The following TMPRSS11E variants were observed in gnomAD, a reference collection of about 807,000 sequenced individuals.
The protein encoded by TMPRSS11E is transmembrane protease serine 11E.
In TMPRSS11E, 38 loss-of-function variants were observed where a neutral mutation model predicts 48.1. The ratio of observed to expected loss-of-function variants is 0.79; its 90% confidence interval spans 0.61 to 1.04. The LOEUF is 1.04. TMPRSS11E is among the 50% of genes least tolerant of loss of function. The pLI is 0.00. For synonymous variants in TMPRSS11E, 158 were observed against 171.9 expected (o/e 0.92, Z 0.63); for missense variants, 530 against 510.8 (o/e 1.04, Z -0.36).
rs1352054234 is a variant in TMPRSS11E at position 68,476,384 on chromosome 4, G to A, written c.653G>A (p.Gly218Glu). The change falls in exon 7 of 10, where the codon GGA becomes GAA. Residue 218 changes from glycine to glutamate, a missense_variant. Coordinates refer to ENST00000305363, the MANE Select transcript of TMPRSS11E (RefSeq NM_014058.4). ...CAGTGGGATGGGAGTCATCGCTGTG[G>A]AGCAACCTTAATTAATGCCACATGG... is the stretch of plus-strand genomic sequence containing the variant. ...SLQWDGSHRCGATLINATWLV... is the reference protein window; with the variant it reads ...SLQWDGSHRCEATLINATWLV... 6.2e-7 allele frequency: 1 copy of A among 1,614,106 alleles called. No homozygotes were observed. The highest frequency in any genetic ancestry group is 2.2e-5 in the East Asian group (1 of 44,880).
intron 1 of TMPRSS11E, among the ~76,000 whole-genome samples, chr4:68,453,610 T>C (rs1354806919): frequency 6.6e-6 from 1 of 151,958 alleles, no homozygotes; most frequent in Non-Finnish European, 1.5e-5. Flanking sequence ...AATTAGTAAA[T>C]ACACGTCTTC....
chr4:68,451,477 A>G (rs1375182827), intron 1 of TMPRSS11E, among the ~76,000 whole-genome samples: 4 of 151,878 alleles, frequency 2.6e-5, no homozygotes, highest in African/African-American at 9.7e-5. Flanking sequence ...TAGAATTGCA[A>G]TTCTAAGATG....
intron 8 of TMPRSS11E, among the ~76,000 whole-genome samples, chr4:68,478,635 A>T (rs1729310883): frequency 1.3e-5 from 2 of 150,886 alleles, no homozygotes; most frequent in African/African-American, 4.9e-5. Flanking sequence ...TTGTATTTTT[A>T]GTAGAGACAG....
intron 5 of TMPRSS11E, 44 bp downstream of exon 5, chr4:68,471,667 G>A (rs1294906612): frequency 1.4e-6 from 2 of 1,465,552 alleles, no homozygotes; most frequent in Non-Finnish European, 1.8e-6. Context: ...ACAGCTTCAT[G>A]TTAGGTTTGA....
At chr4:68,496,145 C>T (rs1056650574) in intron 9 of TMPRSS11E, among the ~76,000 whole-genome samples, 8 of 152,206 alleles carry the variant, frequency 5.3e-5, no homozygotes, top group African/African-American at 1.9e-4. Flanking sequence ...GGAGCATTTA[C>T]AGATAAATAA....
At chr4:68,488,063 C>T (rs1304681370) in intron 9 of TMPRSS11E, among the ~76,000 whole-genome samples, 2 of 151,754 alleles carry the variant, frequency 1.3e-5, no homozygotes, top group Non-Finnish European at 2.9e-5. Flanking sequence ...TTGTATGTGA[C>T]CTGTCCCTTT....
intron 5 of TMPRSS11E, 69 bp from the exon 6 acceptor site, chr4:68,474,654 T>C (rs1729159746): frequency 1.4e-6 from 2 of 1,424,624 alleles, no homozygotes; most frequent in Admixed American, 2.0e-5. Flanking sequence ...CCTTTTAGTA[T>C]TTGAAATACT....
chr4:68,465,869 G>A (rs1380951656), intron 2 of TMPRSS11E, among the ~76,000 whole-genome samples: 1 of 152,194 alleles, frequency 6.6e-6, no homozygotes, highest in Non-Finnish European at 1.5e-5. Flanking sequence ...TCTGAGGGCT[G>A]TCTGCTTGCT....
chr4:68,448,291 G>T (rs1226519564), intron 1 of TMPRSS11E, among the ~76,000 whole-genome samples: 2 of 151,814 alleles, frequency 1.3e-5, no homozygotes, highest in Admixed American at 6.6e-5. Flanking sequence ...GAAATCTGTG[G>T]TCTTCATTTA....
chr4:68,484,367 C>T (rs999701233), intron 9 of TMPRSS11E, among the ~76,000 whole-genome samples: 1 of 151,978 alleles, frequency 6.6e-6, no homozygotes, highest in African/African-American at 2.4e-5. Flanking sequence ...AGTGCAGTGC[C>T]ACAACTATAG....
At chr4:68,473,697 A>G (rs1040543227) in intron 5 of TMPRSS11E, among the ~76,000 whole-genome samples, 11 of 152,152 alleles carry the variant, frequency 7.2e-5, no homozygotes, top group South Asian at 2.1e-4. Flanking sequence ...GTGCAGATGT[A>G]TAAGTCACAC....
chr4:68,461,753 C>A, intron 1 of TMPRSS11E, 68 bp from the exon 2 acceptor site: 2 of 1,603,872 alleles, frequency 1.2e-6, no homozygotes, highest in Non-Finnish European at 1.7e-6. Flanking sequence ...CCCAAAATAT[C>A]TGTTTTGTCT....
chr4:68,489,966 T>A (rs961243447), intron 9 of TMPRSS11E, among the ~76,000 whole-genome samples: 1 of 152,204 alleles, frequency 6.6e-6, no homozygotes, highest in Non-Finnish European at 1.5e-5. Flanking sequence ...CAGGCTAGAA[T>A]TCTGTCTCTT....
At position 68,482,856 on chromosome 4, in the gene TMPRSS11E, C is replaced by T. The variant is rs928158790; in HGVS notation, c.1110+3865C>T. On this transcript the variant is annotated intron_variant, in intron 9 of 9. Coordinates refer to ENST00000305363, the MANE Select transcript of TMPRSS11E (RefSeq NM_014058.4). Reference sequence around the variant, plus strand: ...ACCTCATCAATCTGGATTTCACTGTCGATGTAACTATCAGCATTTTGGTCA... The same window carrying T: ...ACCTCATCAATCTGGATTTCACTGTTGATGTAACTATCAGCATTTTGGTCA... Among the ~76,000 whole-genome samples, 18 of 152,110 alleles carry T rather than the reference C, an allele frequency of 1.2e-4. No individual in the cohort carries two copies. The South Asian group carries it at 1.2e-3, about 11-fold the overall frequency.
chr4:68,463,422 C>T (rs1431394362), intron 2 of TMPRSS11E, among the ~76,000 whole-genome samples: 1 of 152,118 alleles, frequency 6.6e-6, no homozygotes, highest in Non-Finnish European at 1.5e-5. Flanking sequence ...GTGCCTCAGC[C>T]TCCTGAGTAG....
intron 9 of TMPRSS11E, among the ~76,000 whole-genome samples, chr4:68,487,199 A>T (rs1729576950): frequency 6.6e-6 from 1 of 151,564 alleles, no homozygotes; most frequent in Admixed American, 6.6e-5. Context: ...GCTTGATTGT[A>T]TAGTTGCATA....
chr4:68,459,372 C>T (rs1045447826), intron 1 of TMPRSS11E, among the ~76,000 whole-genome samples: 1 of 151,452 alleles, frequency 6.6e-6, no homozygotes, highest in African/African-American at 2.4e-5. Flanking sequence ...AATTCAAACG[C>T]CATAATGTTG....
At chr4:68,483,352 C>G (rs1200823910) in intron 9 of TMPRSS11E, among the ~76,000 whole-genome samples, 1 of 152,284 alleles carries the variant, frequency 6.6e-6, no homozygotes, top group African/African-American at 2.4e-5. Flanking sequence ...GTCAGGGATC[C>G]GTTACCCAAA....
chr4:68,461,731 G>A, intron 1 of TMPRSS11E, 90 bp from the exon 2 acceptor site: 1 of 1,580,662 alleles, frequency 6.3e-7, no homozygotes, highest in Non-Finnish European at 8.6e-7. Flanking sequence ...CCAACTGAAT[G>A]TCCTTTATTC....
Sources: gnomAD v4.1 joint callset for allele counts (sites outside exome capture counted in the v4.1 genomes callset) on GRCh38, gnomAD v4.1.1 for gene constraint, MANE v1.5 for transcripts, NCBI Gene and HGNC (gene_info 2026-07-23, HGNC 2026-07-21) for gene names.